The following DACH2 variants were observed in gnomAD, a reference collection of about 807,000 sequenced individuals.
DACH2 encodes dachshund family transcription factor 2.
Under a neutral mutation model 35.8 loss-of-function variants are expected in DACH2, and 17 were observed. The observed-to-expected ratio is 0.48, with a 90% CI of 0.33 to 0.71. DACH2 has a LOEUF of 0.71. Among genes scored for constraint, DACH2 ranks in the 30% least tolerant of loss-of-function variants. The pLI, the probability that DACH2 is intolerant of heterozygous loss-of-function variation, is 0.02. For synonymous variants in DACH2, 195 were observed against 177.3 expected (o/e 1.10, Z -0.79); for missense variants, 469 against 472.7 (o/e 0.99, Z 0.07).
intron 1 of DACH2, among the ~76,000 whole-genome samples, chrX:86,245,382 C>A (rs2033257359): frequency 9.0e-6 from 1 of 111,669 alleles, no homozygotes; most frequent in Admixed American, 9.6e-5. Flanking sequence ...GAGCATGGAC[C>A]CTGCTGTCAC....
chrX:86,151,411 C>T (rs1476315229), intron 1 of DACH2, among the ~76,000 whole-genome samples: 1 of 110,872 alleles, frequency 9.0e-6, no homozygotes, highest in African/African-American at 3.3e-5. Flanking sequence ...TTATTATATT[C>T]ATATTTTAAA....
chrX:86,523,469 C>T (rs1243906128), intron 3 of DACH2, among the ~76,000 whole-genome samples: 4 of 111,551 alleles, frequency 3.6e-5, no homozygotes, highest in African/African-American at 1.3e-4. Flanking sequence ...TGATAGTTTC[C>T]TTAAATCAAA....
rs139555470 is a variant in DACH2 at position 86,404,822 on chromosome X, C to T, written c.527+27960C>T. ...GGTCTCCATGAGGGTTCCATCCCTGCGTAGACTTCTGCCTGGATATCCAGG... is the reference window on the plus strand; with the variant it reads ...GGTCTCCATGAGGGTTCCATCCCTGTGTAGACTTCTGCCTGGATATCCAGG... On this transcript the variant is annotated intron_variant, in intron 2 of 11. Transcript: ENST00000373125. 8.0e-5 allele frequency among the ~76,000 whole-genome samples: 9 copies of T among 112,312 alleles called. No individual in the cohort carries two copies. The East Asian group carries it at 8.5e-4, about 11-fold the overall frequency.
chrX:86,339,692 CTGCACCACACTGCCTCTTAGGTTTGG>C (rs1353323017), intron 1 of DACH2, among the ~76,000 whole-genome samples: 1 of 111,600 alleles, frequency 9.0e-6, no homozygotes, highest in Non-Finnish European at 1.9e-5. Flanking sequence ...CTCTTAATCC[CTGCACCACACTGCCTCTTAGGTTTGG>C]TGCCTGTTTG....
At chrX:86,433,791 T>C (rs2037023207) in intron 2 of DACH2, among the ~76,000 whole-genome samples, 1 of 111,784 alleles carries the variant, frequency 8.9e-6, no homozygotes, top group South Asian at 3.7e-4. Context: ...TTTCTTCATG[T>C]TGGCAGATTA....
rs2042426912 is a variant in DACH2 at position 86,814,601 on chromosome X, A to G, written c.1538-87A>G. The G allele has an allele frequency of 3.2e-5, 29 of 915,449 alleles. No individual in the cohort carries two copies. The South Asian group carries it at 6.5e-4, about 21-fold the overall frequency. 75.4% of individuals were successfully genotyped at this position (915,449 alleles called of 1,213,427 possible). On this transcript the variant is annotated intron_variant, in intron 9 of 11. Transcript: ENST00000373125. ...AATATTTCTATATCTCTCTTTATCT[A>G]TACTTATATCTGTGGCTTATAATTC...
chrX:86,191,366 T>C, intron 1 of DACH2, among the ~76,000 whole-genome samples: 1 of 111,755 alleles, frequency 8.9e-6, no homozygotes, highest in Middle Eastern at 4.6e-3. Flanking sequence ...CTATTAGAAC[T>C]AACACAAGGA....
chrX:86,685,718 C>T (rs1224485915), intron 4 of DACH2, among the ~76,000 whole-genome samples: 3 of 110,761 alleles, frequency 2.7e-5, no homozygotes, highest in Non-Finnish European at 5.7e-5. Context: ...GGGGAATAGG[C>T]ACATCACATG....
intron 7 of DACH2, among the ~76,000 whole-genome samples, chrX:86,754,698 A>C (rs148468574): frequency 0.073 from 8,109 of 111,166 alleles, 700 homozygotes; most frequent in African/African-American, 0.25. Context: ...CTTTGCTGGG[A>C]TAGTTTCACT....
Position 86,769,509 on chromosome X carries a change from G to T in DACH2, c.1240+29627G>T, listed in dbSNP as rs189176466. Among the ~76,000 whole-genome samples, 174 of 111,812 alleles carry T rather than the reference G, an allele frequency of 1.6e-3. 3 individuals carry two copies. The East Asian group carries it at 0.037, about 24-fold the overall frequency. On this transcript the variant is annotated intron_variant, in intron 7 of 11. Transcript: ENST00000373125. Reference sequence around the variant, plus strand: ...GCAATTTTAAACAAAAAGAAAGTTGGAGGTACCACATTACCATTTTTCAAA... The same window carrying T: ...GCAATTTTAAACAAAAAGAAAGTTGTAGGTACCACATTACCATTTTTCAAA...
intron 3 of DACH2, among the ~76,000 whole-genome samples, chrX:86,584,072 T>A (rs1303726059): frequency 1.8e-5 from 2 of 110,925 alleles, no homozygotes; most frequent in Non-Finnish European, 3.8e-5. Flanking sequence ...GGAGATTTGT[T>A]TTTTGAAAAG....
chrX:86,625,577 T>C (rs1291197089), intron 3 of DACH2, among the ~76,000 whole-genome samples: 3 of 111,059 alleles, frequency 2.7e-5, no homozygotes, highest in African/African-American at 9.8e-5. Context: ...ACTGTATTAG[T>C]CTCTTCTGAT....
chrX:86,383,704 C>A (rs1051295365), intron 2 of DACH2, among the ~76,000 whole-genome samples: 2 of 106,711 alleles, frequency 1.9e-5, no homozygotes, highest in South Asian at 8.4e-4. Context: ...TACCTACATT[C>A]TTGTCCACTC....
chrX:86,731,376 C>T (rs772030647), intron 6 of DACH2, among the ~76,000 whole-genome samples: 18 of 111,234 alleles, frequency 1.6e-4, no homozygotes, highest in Non-Finnish European at 2.6e-4. Flanking sequence ...AAGGCAGCAC[C>T]CTCCTTTAAA....
chrX:86,547,387 A>G (rs1328426241), intron 3 of DACH2, among the ~76,000 whole-genome samples: 2 of 111,744 alleles, frequency 1.8e-5, no homozygotes, highest in Non-Finnish European at 3.8e-5. Flanking sequence ...TTTTGTTAGT[A>G]AAGGTTTGGA....
chrX:86,498,275 T>A (rs1417452528), intron 2 of DACH2, among the ~76,000 whole-genome samples: 1 of 111,683 alleles, frequency 9.0e-6, no homozygotes, highest in Non-Finnish European at 1.9e-5. Flanking sequence ...AATAAAAATA[T>A]GTGATAAACT....
intron 1 of DACH2, among the ~76,000 whole-genome samples, chrX:86,152,920 C>T (rs1431894360): frequency 9.0e-6 from 1 of 111,673 alleles, no homozygotes; most frequent in Non-Finnish European, 1.9e-5. Flanking sequence ...ACAATTTTCA[C>T]TCTTATGCAA....
intron 7 of DACH2, among the ~76,000 whole-genome samples, chrX:86,772,671 T>C (rs2041997647): frequency 9.0e-6 from 1 of 111,286 alleles, no homozygotes. Context: ...GGAAAATGCA[T>C]TGTCAGAGTT....
intron 4 of DACH2, among the ~76,000 whole-genome samples, chrX:86,692,665 G>T (rs945572900): frequency 9.0e-6 from 1 of 111,459 alleles, no homozygotes; most frequent in African/African-American, 3.3e-5. Context: ...CTGTGATAGT[G>T]CAGTACTATG....
Sources: allele counts gnomAD v4.1 joint callset (sites outside exome capture counted in the v4.1 genomes callset), GRCh38; gene constraint gnomAD v4.1.1; transcripts MANE v1.5; gene names NCBI Gene and HGNC (gene_info 2026-07-23, HGNC 2026-07-21).